The following SH3KBP1 variants were observed in gnomAD, a reference collection of about 807,000 sequenced individuals.
SH3KBP1 encodes the protein SH3 domain-containing kinase-binding protein 1.
SH3KBP1 carries 8 observed loss-of-function variants against 50.1 expected under a neutral mutation model. That is an observed-to-expected ratio of 0.16 (90% confidence interval 0.09 to 0.29). The LOEUF (loss-of-function observed/expected upper bound fraction) is 0.29, where lower values mean the gene tolerates loss of function less well. Ranked by LOEUF, SH3KBP1 falls within the 10% of genes least tolerant of loss-of-function variation. The probability of loss-of-function intolerance (pLI) is 1.00; values close to 1 mark genes in which losing one functional copy is unlikely to be tolerated. For synonymous variants in SH3KBP1, 227 were observed against 218.6 expected, an observed-to-expected ratio of 1.04 and a Z score of -0.34; for missense variants, 377 against 535.2, an observed-to-expected ratio of 0.70 and a Z score of 2.92.
At chrX:19,616,104 G>T (rs897443757) in intron 8 of SH3KBP1, among the ~76,000 whole-genome samples, 2 of 110,807 alleles carry the variant, frequency 1.8e-5, no homozygotes, top group Middle Eastern at 9.3e-3. Flanking sequence ...CAAGACTACA[G>T]GCATACTCCA....
chrX:19,678,300 A>G (rs1409517607), intron 6 of SH3KBP1, among the ~76,000 whole-genome samples: 1 of 111,370 alleles, frequency 9.0e-6, no homozygotes, highest in Non-Finnish European at 1.9e-5. Context: ...ACCAATTGTC[A>G]TCAAAAGTGT....
chrX:19,588,910 T>G, intron 11 of SH3KBP1, 108 bp from the exon 12 acceptor site: 1 of 712,690 alleles, frequency 1.4e-6, no homozygotes, highest in Non-Finnish European at 2.0e-6. Context: ...TGATGCTATT[T>G]CTGAAGGTGA....
At chrX:19,634,456 C>G (rs2061655485) in intron 7 of SH3KBP1, among the ~76,000 whole-genome samples, 1 of 111,757 alleles carries the variant, frequency 8.9e-6, no homozygotes, top group Non-Finnish European at 1.9e-5. Flanking sequence ...GCATTAGACA[C>G]AGAATTATCT....
intron 6 of SH3KBP1, among the ~76,000 whole-genome samples, chrX:19,672,377 T>C (rs1228993901): frequency 9.0e-6 from 1 of 111,530 alleles, no homozygotes; most frequent in Non-Finnish European, 1.9e-5. Context: ...AAGAGTCAAG[T>C]ATGGAAAGAG....
At chrX:19,561,676 T>C (rs1318960920) in intron 13 of SH3KBP1, among the ~76,000 whole-genome samples, 1 of 111,822 alleles carries the variant, frequency 8.9e-6, no homozygotes, top group Non-Finnish European at 1.9e-5. Flanking sequence ...AAGGTCAACA[T>C]TGTGAGTTTC....
chrX:19,866,978 C>T (rs181796930), intron 1 of SH3KBP1, among the ~76,000 whole-genome samples: 275 of 110,964 alleles, frequency 2.5e-3, no homozygotes, highest in Non-Finnish European at 3.8e-3. Flanking sequence ...AACATGCACT[C>T]GAGCAGAAGT....
Position 19,775,634 on chromosome X carries a change from A to G in SH3KBP1, c.163-29193T>C, listed in dbSNP as rs761006123. Among the ~76,000 whole-genome samples the G allele has an allele frequency of 4.5e-5, 5 of 111,961 alleles. No homozygotes were observed. The East Asian group carries it at 1.4e-3, about 31-fold the overall frequency. On this transcript the variant is annotated intron_variant, in intron 2 of 17. Coordinates refer to ENST00000397821, the MANE Select transcript of SH3KBP1 (RefSeq NM_031892.3). ...CCATTAATAAACCACACAACTAATTAGTCCTTGGTCTATTTGGAGTACGCA... is the reference window on the plus strand; with the variant it reads ...CCATTAATAAACCACACAACTAATTGGTCCTTGGTCTATTTGGAGTACGCA...
At chrX:19,843,022 T>G (rs1430185035) in intron 1 of SH3KBP1, among the ~76,000 whole-genome samples, 1 of 88,897 alleles carries the variant, frequency 1.1e-5, no homozygotes, top group Non-Finnish European at 2.2e-5. Flanking sequence ...TTTTTTTTTT[T>G]TTTTTTTTTT....
At chrX:19,629,948 G>A (rs2061540518) in intron 8 of SH3KBP1, among the ~76,000 whole-genome samples, 1 of 112,161 alleles carries the variant, frequency 8.9e-6, no homozygotes, top group Admixed American at 9.4e-5. Flanking sequence ...GGGACCGATA[G>A]ATACTCCCTT....
chrX:19,735,641 T>G (rs1481648944), intron 3 of SH3KBP1, among the ~76,000 whole-genome samples: 1 of 106,582 alleles, frequency 9.4e-6, no homozygotes, highest in Non-Finnish European at 1.9e-5. Flanking sequence ...ATTGTTGATT[T>G]CTAATTTAAT....
intron 2 of SH3KBP1, among the ~76,000 whole-genome samples, chrX:19,825,275 A>C (rs2067641868): frequency 8.9e-6 from 1 of 112,416 alleles, no homozygotes; most frequent in Non-Finnish European, 1.9e-5. Flanking sequence ...TGAAAGGGCC[A>C]ACTTTTGAAG....
chrX:19,851,932 A>G (rs2068521102), intron 1 of SH3KBP1, among the ~76,000 whole-genome samples: 1 of 111,255 alleles, frequency 9.0e-6, no homozygotes, highest in African/African-American at 3.3e-5. Context: ...TGTGTTTTCC[A>G]AGATGGCTAC....
intron 2 of SH3KBP1, among the ~76,000 whole-genome samples, chrX:19,777,415 A>G (rs1367922522): frequency 9.0e-6 from 1 of 111,226 alleles, no homozygotes; most frequent in East Asian, 2.8e-4. Flanking sequence ...ACACAAAGGC[A>G]TGTGGCAGGC....
Position 19,760,114 on chromosome X carries a change from G to A in SH3KBP1, c.163-13673C>T, listed in dbSNP as rs771871035. On this transcript the variant is annotated intron_variant, in intron 2 of 17. Coordinates refer to ENST00000397821, the MANE Select transcript of SH3KBP1 (RefSeq NM_031892.3). ...CACACACACACACACTTGGCTGGGC[G>A]CGGTGGCTCACATCTGTAATCCCAG... Among the ~76,000 whole-genome samples, 4 of 102,915 alleles carry A rather than the reference G, an allele frequency of 3.9e-5. No individual in the cohort carries two copies. The South Asian group carries it at 1.9e-3, about 48-fold the overall frequency. The allele number at this position is 102,915 out of a possible 115,157, so 89.4% of individuals were successfully genotyped here. A position where few individuals can be genotyped will look rare whatever the true frequency, so the allele number is the denominator to read the frequency against.
chrX:19,656,192 A>G (rs1428037905), intron 6 of SH3KBP1, among the ~76,000 whole-genome samples: 1 of 111,413 alleles, frequency 9.0e-6, no homozygotes, highest in East Asian at 2.8e-4. Flanking sequence ...GTTAGGGCCA[A>G]TGTTACAGTT....
At chrX:19,594,156 A>T (rs2066828093) in intron 10 of SH3KBP1, among the ~76,000 whole-genome samples, 1 of 112,362 alleles carries the variant, frequency 8.9e-6, no homozygotes, top group Non-Finnish European at 1.9e-5. Flanking sequence ...AGAACTAAAA[A>T]TACCCTTTCT....
intron 4 of SH3KBP1, among the ~76,000 whole-genome samples, chrX:19,704,194 C>T (rs1416300600): frequency 8.9e-6 from 1 of 111,976 alleles, no homozygotes; most frequent in African/African-American, 3.2e-5. Flanking sequence ...GAAGCAAGTC[C>T]AGAATGACGA....
intron 8 of SH3KBP1, among the ~76,000 whole-genome samples, chrX:19,616,852 G>A (rs1276166038): frequency 9.0e-6 from 1 of 111,206 alleles, no homozygotes; most frequent in Non-Finnish European, 1.9e-5. Flanking sequence ...ACTCTGCTTA[G>A]CTAGAACTCT....
intron 6 of SH3KBP1, among the ~76,000 whole-genome samples, chrX:19,649,771 G>C (rs112846261): frequency 0.058 from 6,486 of 111,351 alleles, 480 homozygotes; most frequent in African/African-American, 0.2. Context: ...TCAGTTAGTG[G>C]AGCAACTAAT....
Sources: gnomAD v4.1 joint callset for allele counts (sites outside exome capture counted in the v4.1 genomes callset) on GRCh38, gnomAD v4.1.1 for gene constraint, MANE v1.5 for transcripts, NCBI Gene and HGNC (gene_info 2026-07-23, HGNC 2026-07-21) for gene names.